RBM6: variants seen among roughly 807,000 people sequenced by gnomAD.
RBM6 encodes the protein RNA-binding protein 6.
In RBM6, 23 loss-of-function variants were observed where a neutral mutation model predicts 140.4. That is an observed-to-expected ratio of 0.16 (90% confidence interval 0.12 to 0.23). The LOEUF is 0.23. RBM6 is among the 10% of genes least tolerant of loss of function. RBM6 has a pLI of 1.00. For synonymous variants in RBM6, 439 were observed against 475.6 expected, an observed-to-expected ratio of 0.92 and a Z score of 1.00; for missense variants, 1,139 against 1,386.7, an observed-to-expected ratio of 0.82 and a Z score of 2.84.
At chr3:50,029,764 G>T (rs2088043104) in intron 6 of RBM6, among the ~76,000 whole-genome samples, 1 of 151,844 alleles carries the variant, frequency 6.6e-6, no homozygotes, top group Non-Finnish European at 1.5e-5. Context: ...ATAAATAAAG[G>T]AGTAATTCCA....
chr3:50,060,894 T>G, intron 11 of RBM6, 62 bp from the exon 12 acceptor site: 1 of 1,489,944 alleles, frequency 6.7e-7, no homozygotes, highest in Non-Finnish European at 9.0e-7. Context: ...AACTGTAGGA[T>G]TAAGTACTCG....
In RBM6 at chr3:49,967,658, G is replaced by A; in HGVS notation, c.233G>A (p.Arg78Lys). 6.2e-7 allele frequency: 1 copy of A among 1,614,136 alleles called. No homozygotes were observed. The highest frequency in any genetic ancestry group is 1.3e-5 in the African/African-American group (1 of 75,038). ...GAGCATTCTTTCAGCTATGGAGCTA[G>A]AGACGGACCGCATGGTGACTATCGA... is the stretch of plus-strand genomic sequence containing the variant. ...VEEHSFSYGARDGPHGDYRGG... is the reference protein window; with the variant it reads ...VEEHSFSYGAKDGPHGDYRGG... The change falls in exon 3 of 21, where the codon AGA (arginine) becomes AAA (lysine). Residue 78 changes from arginine (R) to lysine (K), a missense_variant. Around this residue, in one of 9 missense-constraint regions of RBM6, gnomAD observed 566 missense variants for 612.7 expected, o/e 0.92. Coordinates refer to ENST00000266022, the MANE Select transcript of RBM6 (RefSeq NM_005777.3). This position sits in a 1 kb window ranked among gnomAD's most constrained non-coding sequence, Gnocchi z 4.0.
chr3:50,051,598 A>G (rs2089468723), intron 7 of RBM6, among the ~76,000 whole-genome samples: 2 of 152,218 alleles, frequency 1.3e-5, no homozygotes, highest in South Asian at 4.1e-4. Flanking sequence ...CTGAAATTGC[A>G]CTATTGCACT....
chr3:50,058,028 C>A, intron 9 of RBM6, 25 bp downstream of exon 9: 1 of 1,605,760 alleles, frequency 6.2e-7, no homozygotes, highest in South Asian at 1.1e-5. Flanking sequence ...AGGGCACATA[C>A]CAGACTGTGA....
intron 5 of RBM6, among the ~76,000 whole-genome samples, chr3:49,984,426 G>T (rs927008263): frequency 6.6e-6 from 1 of 152,256 alleles, no homozygotes; most frequent in East Asian, 1.9e-4. Context: ...GGTCAATATG[G>T]CAAAACTCCC....
At chr3:50,034,821 A>T (rs1235051543) in intron 6 of RBM6, among the ~76,000 whole-genome samples, 1 of 152,176 alleles carries the variant, frequency 6.6e-6, no homozygotes, top group African/African-American at 2.4e-5. Context: ...GAAAAGAGAA[A>T]ATTCCAGTCT....
At chr3:49,984,213 C>T (rs2085441321) in intron 5 of RBM6, among the ~76,000 whole-genome samples, 1 of 152,104 alleles carries the variant, frequency 6.6e-6, no homozygotes, top group South Asian at 2.1e-4. Context: ...AGGAAGATCA[C>T]TTGAGCTAGG....
chr3:49,974,623 C>T (rs1347846947), intron 4 of RBM6, among the ~76,000 whole-genome samples: 4 of 149,948 alleles, frequency 2.7e-5, no homozygotes, highest in South Asian at 4.2e-4. Flanking sequence ...CTGCCCACCT[C>T]GGCCTCCCAA....
chr3:50,070,227 C>T (rs1178654782), intron 18 of RBM6, among the ~76,000 whole-genome samples: 1 of 152,028 alleles, frequency 6.6e-6, no homozygotes, highest in African/African-American at 2.4e-5. Flanking sequence ...TTGTGGCACT[C>T]ACCTGTAGTC....
intron 6 of RBM6, among the ~76,000 whole-genome samples, chr3:50,017,977 C>T (rs185032394): frequency 2.5e-4 from 38 of 152,346 alleles, no homozygotes; most frequent in Middle Eastern, 3.4e-3. Context: ...ACATTACATA[C>T]ACAGCCTCCC....
intron 6 of RBM6, among the ~76,000 whole-genome samples, chr3:50,006,732 A>G (rs1161738277): frequency 6.6e-6 from 1 of 151,592 alleles, no homozygotes; most frequent in Admixed American, 6.6e-5. Context: ...GGAGATGGAG[A>G]CCATCCTGGC....
chr3:50,055,133 A>G (rs1317708986), intron 8 of RBM6, among the ~76,000 whole-genome samples: 1 of 152,196 alleles, frequency 6.6e-6, no homozygotes, highest in African/African-American at 2.4e-5. Context: ...AAACCTTTCA[A>G]AAGTGCAATT....
intron 6 of RBM6, among the ~76,000 whole-genome samples, chr3:50,039,013 G>C (rs1362648558): frequency 1.3e-5 from 2 of 151,986 alleles, no homozygotes; most frequent in Non-Finnish European, 2.9e-5. Context: ...TGTCAGAAAA[G>C]AACAAGCTGT....
chr3:50,058,467 T>C lies in RBM6; in HGVS notation c.2035T>C (p.Tyr679His). The change falls in exon 10 of 21, where the codon TAT (tyrosine) becomes CAT (histidine). Residue 679 changes from tyrosine (Y) to histidine (H), a missense_variant. By Grantham distance (83) the Tyr-to-His change is moderately conservative (BLOSUM62 2). Coordinates refer to ENST00000266022, the MANE Select transcript of RBM6 (RefSeq NM_005777.3). ...PEVIVEVLEP[Y>H]VRLTTANVRI... is the part of the protein sequence containing the mutation. ...GGTGATAGTGGAAGTGCTGGAGCCC[T>C]ATGTCCGCCTTACTACTGCCAACGT... is the stretch of plus-strand genomic sequence containing the variant. 1.2e-6 allele frequency: 2 copies of C among 1,605,976 alleles called. No individual in the cohort carries two copies. Among genetic ancestry groups the C allele is most frequent in the Non-Finnish European group, 1.7e-6 (2 of 1,172,552 alleles).
In RBM6 at chr3:50,038,442, T is replaced by A. The variant is rs1403010753; in HGVS notation, c.1558-9803T>A. Among the ~76,000 whole-genome samples the A allele has an allele frequency of 2.0e-5, 3 of 152,230 alleles. No individual in the cohort carries two copies. In the East Asian group the frequency reaches 5.8e-4, roughly 29 times the overall value. ...GTTTAGAGACCTATTCAATGAAGCA[T>A]GCCTTGATGTTGAATTTAGAGTCTA... On this transcript the variant is annotated intron_variant, in intron 6 of 20. Coordinates refer to ENST00000266022, the MANE Select transcript of RBM6 (RefSeq NM_005777.3).
intron 4 of RBM6, among the ~76,000 whole-genome samples, chr3:49,974,281 C>T (rs2108651872): frequency 6.6e-6 from 1 of 151,806 alleles, no homozygotes; most frequent in Non-Finnish European, 1.5e-5. Flanking sequence ...GTGCAATGGC[C>T]CAATCAAGGC....
chr3:49,959,837 G>T (rs1020000753), intron 1 of RBM6, among the ~76,000 whole-genome samples: 3 of 152,138 alleles, frequency 2.0e-5, no homozygotes, highest in Admixed American at 6.6e-5. Context: ...CTCCCAAAGT[G>T]CAGGGATTAC....
intron 1 of RBM6, among the ~76,000 whole-genome samples, chr3:49,948,420 A>G (rs11925156): frequency 0.07 from 10,628 of 151,992 alleles, 390 homozygotes; most frequent in Non-Finnish European, 0.077. Flanking sequence ...GCTACTCAGG[A>G]GGCTAAGGCA....
intron 6 of RBM6, among the ~76,000 whole-genome samples, chr3:50,039,074 A>G (rs1221162653): frequency 1.4e-5 from 2 of 145,346 alleles, no homozygotes; most frequent in African/African-American, 5.1e-5. Context: ...TTTCATTGCT[A>G]TGTGATTGGA....
Sources: allele counts gnomAD v4.1 joint callset (sites outside exome capture counted in the v4.1 genomes callset), GRCh38; gene constraint gnomAD v4.1.1; regional missense constraint gnomAD v4.1.1; non-coding constraint Gnocchi (gnomAD v3.1); transcripts MANE v1.5; gene names NCBI Gene and HGNC (gene_info 2026-07-23, HGNC 2026-07-21).